CPNE2: variants seen among roughly 807,000 people sequenced by gnomAD.
CPNE2 encodes copine-2.
In CPNE2, 42 loss-of-function variants were observed where a neutral mutation model predicts 69.7. The ratio of observed to expected loss-of-function variants is 0.60; its 90% CI spans 0.47 to 0.78. The LOEUF is 0.78. Ranked by LOEUF, CPNE2 falls within the 30% of genes least tolerant of loss-of-function variation. The pLI is 0.00. For missense variants in CPNE2, 587 were observed against 732.0 expected (o/e 0.80, Z 2.29); for synonymous variants, 294 against 289.8 (o/e 1.01, Z -0.15).
chr16:57,146,192 G>A lies in CPNE2; in HGVS notation c.1410G>A (p.Val470=). Residue 470 remains valine, a synonymous_variant, in exon 15 of 16, where the codon GTG becomes GTA. Coordinates refer to ENST00000290776, the MANE Select transcript of CPNE2 (RefSeq NM_152727.6). The surrounding 1 kb of genome is among the most constrained non-coding windows in gnomAD (Gnocchi z 4.4). ...AGCTGCCCATGTCCATCATCATCGT[G>A]GGCGTGGGCAATGCGGACTTCGCTG... ...ASKLPMSIII[V]GVGNADFAAM... 2.5e-6 allele frequency: 4 copies of A among 1,574,582 alleles called. No individual in the cohort carries two copies. Among genetic ancestry groups the A allele is most frequent in the Non-Finnish European group, 3.5e-6 (4 of 1,158,982 alleles).
chr16:57,147,330 T>G, intron 15 of CPNE2: 1 of 402,264 alleles, frequency 2.5e-6, no homozygotes, highest in East Asian at 3.6e-5. Flanking sequence ...AGGTAACACT[T>G]ACACCTAACC....
rs149987739 is a variant in CPNE2, at chr16:57,135,851, G to A, written c.1168+1025G>A. ...ATCATGTCACTGCACTCCAGCCTGG[G>A]TAACAGAGTGAGACTCTGTCTCAAA... On this transcript the variant is annotated intron_variant, in intron 13 of 15. Transcript: ENST00000290776. Among the ~76,000 whole-genome samples the A allele has an allele frequency of 4.4e-3, 642 of 144,668 alleles. 6 individuals carry two copies. Among genetic ancestry groups the A allele is most frequent in the African/African-American group, 0.016 (601 of 38,774 alleles). The allele number at this position is 144,668 out of a possible 152,430, so 94.9% of individuals were successfully genotyped here. A position where few individuals can be genotyped will look rare whatever the true frequency, so the allele number is the denominator to read the frequency against.
intron 1 of CPNE2, among the ~76,000 whole-genome samples, chr16:57,101,423 C>G (rs1253649904): frequency 6.6e-6 from 1 of 152,152 alleles, no homozygotes; most frequent in Non-Finnish European, 1.5e-5. Context: ...AACTTAGCAG[C>G]CATCAGGGCC....
intron 1 of CPNE2, among the ~76,000 whole-genome samples, chr16:57,104,269 G>A (rs1180676605): frequency 6.6e-6 from 1 of 152,228 alleles, no homozygotes; most frequent in Non-Finnish European, 1.5e-5. Context: ...GACATAGGGA[G>A]TTGAAGGAAC....
At chr16:57,125,152 G>A in intron 10 of CPNE2, 1 of 379,352 alleles carries the variant, frequency 2.6e-6, no homozygotes, top group Non-Finnish European at 5.4e-6. Flanking sequence ...ACCCCTCTGT[G>A]CCCTTTCTCC....
intron 10 of CPNE2, chr16:57,124,245 C>A (rs1023041587): frequency 2.5e-5 from 9 of 366,226 alleles, no homozygotes; most frequent in Admixed American, 6.6e-5. Flanking sequence ...TCATGCCCAG[C>A]TAATTTTTGC....
At chr16:57,147,502 T>G in intron 15 of CPNE2, 49 bp from the exon 16 acceptor site, 1 of 1,359,224 alleles carries the variant, frequency 7.4e-7, no homozygotes, top group Non-Finnish European at 1.0e-6. Context: ...CTTCCGGTCA[T>G]TAATCCTTAT....
chr16:57,145,122 C>T (rs1224106634), intron 14 of CPNE2, among the ~76,000 whole-genome samples: 1 of 152,056 alleles, frequency 6.6e-6, no homozygotes, highest in Non-Finnish European at 1.5e-5. Flanking sequence ...AACTCTATAT[C>T]CCATTGTAAA....
At position 57,114,648 on chromosome 16, in the gene CPNE2, G is replaced by A. The variant is rs531401283; in HGVS notation, c.361-828G>A. On this transcript the variant is annotated intron_variant, in intron 3 of 15. Coordinates refer to ENST00000290776, the MANE Select transcript of CPNE2 (RefSeq NM_152727.6). ...CTCCCCGCTGCACAGGACGACGCTC[G>A]CACTGCACCCAGGAAGCACGAACCA... 7.2e-5 allele frequency among the ~76,000 whole-genome samples: 11 copies of A among 152,260 alleles called. No homozygotes were observed. The South Asian group carries it at 1.4e-3, about 20-fold the overall frequency.
chr16:57,117,993 C>G (rs1244477807), intron 5 of CPNE2, among the ~76,000 whole-genome samples: 2 of 152,214 alleles, frequency 1.3e-5, no homozygotes, highest in South Asian at 2.1e-4. Context: ...ACTTGCTGTT[C>G]CCTCTGCCTG....
chr16:57,096,698 CAAAA>C (rs34322802), intron 1 of CPNE2, among the ~76,000 whole-genome samples: 1 of 56,988 alleles, frequency 1.8e-5, no homozygotes. Context: ...GACCATGTCT[CAAAA>C]AAAAAAAAAA....
chr16:57,117,628 G>A lies in CPNE2; in HGVS notation c.507+61G>A. 2.5e-6 allele frequency: 4 copies of A among 1,578,148 alleles called. No homozygotes were observed. In the South Asian group the frequency reaches 4.5e-5, roughly 18 times the overall value. Reference sequence around the variant, plus strand: ...AGTAGCCCCCACCAGCCCCAGGGCTGTGTGGCCTCATTCCGGGACCTCGGG... The same window carrying A: ...AGTAGCCCCCACCAGCCCCAGGGCTATGTGGCCTCATTCCGGGACCTCGGG... On this transcript the variant is annotated intron_variant, in intron 5 of 15. Transcript: ENST00000290776.
intron 3 of CPNE2, among the ~76,000 whole-genome samples, chr16:57,115,125 T>C (rs938277147): frequency 2.6e-5 from 4 of 152,026 alleles, no homozygotes; most frequent in African/African-American, 9.7e-5. Context: ...AGAGATCATA[T>C]CCTGAGGCAG....
intron 1 of CPNE2, among the ~76,000 whole-genome samples, chr16:57,097,465 A>T (rs941796038): frequency 1.4e-4 from 21 of 152,246 alleles, no homozygotes; most frequent in Non-Finnish European, 2.5e-4. Flanking sequence ...AAGAGGGATT[A>T]CATCTGTGCA....
At chr16:57,097,884 G>A (rs569400031) in intron 1 of CPNE2, among the ~76,000 whole-genome samples, 5 of 152,350 alleles carry the variant, frequency 3.3e-5, no homozygotes, top group Admixed American at 1.3e-4. Flanking sequence ...ACAGCACTCC[G>A]TGCCTATCCC....
chr16:57,108,936 T>C lies in CPNE2; in HGVS notation c.-35-1772T>C, dbSNP rs1354614400. Among the ~76,000 whole-genome samples the C allele has an allele frequency of 2.0e-5, 3 of 152,216 alleles. 1 individual carries two copies. The highest frequency in any genetic ancestry group is 4.4e-5 in the Non-Finnish European group (3 of 68,038). On this transcript the variant is annotated intron_variant, in intron 1 of 15. Coordinates refer to ENST00000290776, the MANE Select transcript of CPNE2 (RefSeq NM_152727.6). Reference sequence around the variant, plus strand: ...CTGAGGCATATGGAGGGTTTGTCCATTCATTCATTTATACACTCATCCTTT... The same window carrying C: ...CTGAGGCATATGGAGGGTTTGTCCACTCATTCATTTATACACTCATCCTTT...
At chr16:57,110,563 T>A in intron 1 of CPNE2, 145 bp from the exon 2 acceptor site, 1 of 481,126 alleles carries the variant, frequency 2.1e-6, no homozygotes, top group East Asian at 3.6e-5. Context: ...TCTTCAAACC[T>A]TTGCCTATGT....
In CPNE2 at chr16:57,127,852, T is replaced by A. The variant is rs985217189; in HGVS notation, c.1065T>A (p.Asp355Glu). 2 of 1,612,970 alleles carry A rather than the reference T, an allele frequency of 1.2e-6. No homozygotes were observed. Among genetic ancestry groups the A allele is most frequent in the East Asian group, 4.5e-5 (2 of 44,892 alleles). Residue 355 changes from aspartate to glutamate, a missense_variant, in exon 12 of 16, where the codon GAT (aspartate) becomes GAA (glutamate). Transcript: ENST00000290776. ...TTTCTCTTCTCTCTCTGATTAGTGA[T>A]AAGATGTTTCCAGCTCTGGGATTCG... ...VGQIIQDYDS[D>E]KMFPALGFGA... is the part of the protein sequence containing the mutation.
intron 14 of CPNE2, chr16:57,143,221 A>G (rs1326351991): frequency 7.2e-5 from 11 of 152,306 alleles, no homozygotes; most frequent in Admixed American, 3.3e-4. Context: ...GAAGCCGGGG[A>G]CTTGTCAGCT....
Sources: gnomAD v4.1 joint callset for allele counts (sites outside exome capture counted in the v4.1 genomes callset) on GRCh38, gnomAD v4.1.1 for gene constraint, Gnocchi (gnomAD v3.1) non-coding constraint, MANE v1.5 for transcripts, NCBI Gene and HGNC (gene_info 2026-07-23, HGNC 2026-07-21) for gene names.